Variants in SLC44A3 observed in about 807,000 individuals in gnomAD.
The protein encoded by SLC44A3 is choline transporter-like protein 3.
Under a neutral mutation model 75.4 loss-of-function variants are expected in SLC44A3, and 74 were observed. That is an observed-to-expected ratio of 0.98 (90% CI 0.81 to 1.19). SLC44A3 has a LOEUF of 1.19. Ranked by LOEUF, SLC44A3 falls within the 50% of genes most tolerant of loss-of-function variation. The probability of loss-of-function intolerance (pLI) is 0.00; values close to 1 mark genes in which losing one functional copy is unlikely to be tolerated. For synonymous variants in SLC44A3, 310 were observed against 296.9 expected (o/e 1.04, Z -0.45); for missense variants, 700 against 778.6 (o/e 0.90, Z 1.20).
intron 12 of SLC44A3, among the ~76,000 whole-genome samples, chr1:94,870,742 G>C (rs1314701156): frequency 6.6e-6 from 1 of 152,208 alleles, no homozygotes; most frequent in Non-Finnish European, 1.5e-5. Context: ...GAGTGCAGTG[G>C]CACAATCTCA....
chr1:94,857,106 G>A (rs1665970504), intron 9 of SLC44A3, among the ~76,000 whole-genome samples: 1 of 152,196 alleles, frequency 6.6e-6, no homozygotes, highest in South Asian at 2.1e-4. Flanking sequence ...AGGTGTCTTG[G>A]AAATTGCCTA....
chr1:94,828,536 C>G lies in SLC44A3; in HGVS notation c.459C>G (p.Thr153=). The change falls in exon 5 of 15, where the codon ACC becomes ACG. Residue 153 remains threonine (T), a synonymous_variant. Transcript: ENST00000271227. ...CVYSLNSFNY[T]HSPKADSLCP... ...ATAGTTTGAATTCCTTCAACTATAC[C>G]CACAGTCCAAAAGCAGACTCACTGT... 1 of 1,613,762 alleles carries G rather than the reference C, an allele frequency of 6.2e-7. No individual in the cohort carries two copies. The highest frequency in any genetic ancestry group is 8.5e-7 in the Non-Finnish European group (1 of 1,179,814).
chr1:94,851,126 C>G (rs1195846838), intron 9 of SLC44A3, among the ~76,000 whole-genome samples: 1 of 152,086 alleles, frequency 6.6e-6, no homozygotes, highest in Non-Finnish European at 1.5e-5. Context: ...CACCCCAACT[C>G]TCCCCCTAAA....
chr1:94,876,936 G>A (rs74383568), intron 12 of SLC44A3, among the ~76,000 whole-genome samples: 26,152 of 151,704 alleles, frequency 0.17, 2,478 homozygotes, highest in Admixed American at 0.25. Context: ...TGGCCACTCA[G>A]GCCCTGCTTG....
At chr1:94,821,235 T>A (rs1167522111) in intron 2 of SLC44A3, among the ~76,000 whole-genome samples, 179 bp downstream of exon 2, 2 of 152,208 alleles carry the variant, frequency 1.3e-5, no homozygotes, top group African/African-American at 2.4e-5. Flanking sequence ...AAAGGCTGTC[T>A]TTTTGCTACA....
intron 9 of SLC44A3, among the ~76,000 whole-genome samples, chr1:94,849,036 ACTGCCAGCCTGTGCCCCTT>A (rs1227134789): frequency 6.9e-6 from 1 of 144,706 alleles, no homozygotes; most frequent in African/African-American, 2.9e-5. Context: ...TTGGGCATGA[ACTGCCAGCCTGTGCCCCTT>A]AACTGCCAGC....
In SLC44A3 at chr1:94,824,623, T is replaced by A; in HGVS notation, c.266T>A (p.Met89Lys). 6.3e-7 allele frequency: 1 copy of A among 1,587,744 alleles called. No individual in the cohort carries two copies. Among genetic ancestry groups the A allele is most frequent in the Non-Finnish European group, 8.5e-7 (1 of 1,171,740 alleles). ...VEGAPLSGQDMTLKKHVFFMN... is the reference protein window; with the variant it reads ...VEGAPLSGQDKTLKKHVFFMN... Reference sequence around the variant, plus strand: ...GGGGCCCCTCTTTCAGGGCAGGACATGACCCTAAAAAAGTAAGTATCTAAA... The same window carrying A: ...GGGGCCCCTCTTTCAGGGCAGGACAAGACCCTAAAAAAGTAAGTATCTAAA... Residue 89 changes from methionine to lysine, a missense_variant, in exon 3 of 15, where the codon ATG becomes AAG. Physicochemically the swap from Met to Lys is moderately conservative, Grantham distance 95 (BLOSUM62 -1). Coordinates refer to ENST00000271227, the MANE Select transcript of SLC44A3 (RefSeq NM_001114106.3).
At chr1:94,853,862 A>ATTTT (rs34191139) in intron 9 of SLC44A3, among the ~76,000 whole-genome samples, 12 of 145,664 alleles carry the variant, frequency 8.2e-5, no homozygotes, top group Non-Finnish European at 1.5e-4. Flanking sequence ...CCTCTCTCTG[A>ATTTT]TTTTTTTTTT....
At position 94,865,572 on chromosome 1, in the gene SLC44A3, G is replaced by A. The variant is rs1239560851; in HGVS notation, c.1395+673G>A. On this transcript the variant is annotated intron_variant, in intron 11 of 14. Transcript: ENST00000271227. The stretch of plus-strand genomic sequence containing the variant: ...TAGTTTTTATTTCCATGCACATTTG[G>A]TTATGAATGCCAGTGGAAACCAGAA... Among the ~76,000 whole-genome samples, 3 of 152,150 alleles carry A rather than the reference G, an allele frequency of 2.0e-5. No homozygotes were observed. In the East Asian group the frequency reaches 5.8e-4, roughly 29 times the overall value.
At chr1:94,883,511 A>G (rs1196225002) in intron 12 of SLC44A3, among the ~76,000 whole-genome samples, 1 of 152,168 alleles carries the variant, frequency 6.6e-6, no homozygotes, top group Non-Finnish European at 1.5e-5. Flanking sequence ...GTTTCAAACA[A>G]AGCAAACAAA....
intron 12 of SLC44A3, among the ~76,000 whole-genome samples, chr1:94,884,292 G>T (rs987960841): frequency 6.6e-6 from 1 of 150,436 alleles, no homozygotes; most frequent in African/African-American, 2.4e-5. Context: ...TCTGAACGGT[G>T]AATGCAGGGC....
intron 9 of SLC44A3, among the ~76,000 whole-genome samples, chr1:94,855,852 A>G (rs1026004778): frequency 6.6e-6 from 1 of 152,222 alleles, no homozygotes; most frequent in Admixed American, 6.5e-5. Flanking sequence ...AACAATCTCT[A>G]AATGTTCTTC....
intron 12 of SLC44A3, among the ~76,000 whole-genome samples, chr1:94,879,838 CAAAAAAAA>C (rs763642670): frequency 1.6e-5 from 1 of 60,838 alleles, no homozygotes. Context: ...GATTCTGTCT[CAAAAAAAA>C]AAAAAAAGAA....
intron 5 of SLC44A3, 35 bp downstream of exon 5, chr1:94,828,621 CA>C (rs771116283): frequency 1.3e-6 from 2 of 1,582,064 alleles, no homozygotes; most frequent in Non-Finnish European, 1.7e-6. Flanking sequence ...TAACTCTAAA[CA>C]AAAGTTACTG....
rs773541863 is a variant in SLC44A3, at chr1:94,839,937, T to C, written c.671-11T>C. 6.2e-6 allele frequency: 10 copies of C among 1,611,920 alleles called. No individual in the cohort carries two copies. The highest frequency in any genetic ancestry group is 1.6e-4 in the Middle Eastern group (1 of 6,082). ...GCTATTGAGGTTTATGTGTTTTGCT[T>C]AATTTTTCAGCCTTGTCTTTGGCCA... On this transcript the variant is annotated splice_polypyrimidine_tract_variant and intron_variant, in intron 6 of 14. Transcript: ENST00000271227.
rs760170626 is a variant in SLC44A3, at chr1:94,824,638, A to G, written c.278+3A>G. Reference sequence around the variant, plus strand: ...GGGCAGGACATGACCCTAAAAAAGTAAGTATCTAAATAAGTCCCCAGTCTG... The same window carrying G: ...GGGCAGGACATGACCCTAAAAAAGTGAGTATCTAAATAAGTCCCCAGTCTG... On this transcript the variant is annotated splice_donor_region_variant and intron_variant, in intron 3 of 14. Coordinates refer to ENST00000271227, the MANE Select transcript of SLC44A3 (RefSeq NM_001114106.3). 20 of 1,573,496 alleles carry G rather than the reference A, an allele frequency of 1.3e-5. No homozygotes were observed. Among genetic ancestry groups the G allele is most frequent in the Non-Finnish European group, 1.7e-5 (20 of 1,165,426 alleles).
intron 12 of SLC44A3, among the ~76,000 whole-genome samples, chr1:94,881,748 G>A (rs992736711): frequency 2.0e-5 from 3 of 147,418 alleles, no homozygotes; most frequent in Non-Finnish European, 4.5e-5. Context: ...GTTGGCTCAT[G>A]CCTGCCTGTA....
chr1:94,820,505 G>T (rs1027119197), intron 1 of SLC44A3, 27 bp downstream of exon 1: 2 of 1,488,326 alleles, frequency 1.3e-6, no homozygotes, highest in Non-Finnish European at 1.8e-6. Context: ...TCGGCCCTCG[G>T]GGGAGGAGCC....
intron 5 of SLC44A3, among the ~76,000 whole-genome samples, chr1:94,835,167 A>G (rs924318541): frequency 1.3e-5 from 2 of 152,216 alleles, no homozygotes; most frequent in Admixed American, 6.5e-5. Flanking sequence ...AACTTGTCAC[A>G]GGCCAGGCAC....
Sources: gnomAD v4.1 joint callset for allele counts (sites outside exome capture counted in the v4.1 genomes callset) on GRCh38, gnomAD v4.1.1 for gene constraint, MANE v1.5 for transcripts, NCBI Gene and HGNC (gene_info 2026-07-23, HGNC 2026-07-21) for gene names.